Variants in FRY observed in about 807,000 individuals in gnomAD.
FRY encodes the protein protein furry homolog.
FRY carries 128 observed loss-of-function variants against 348.4 expected under a neutral mutation model. The ratio of observed to expected loss-of-function variants is 0.37; its 90% confidence interval spans 0.32 to 0.43. FRY has a LOEUF of 0.43. Ranked by LOEUF, FRY falls within the 20% of genes least tolerant of loss-of-function variation. FRY has a pLI of 1.00. For synonymous variants in FRY, 1,370 were observed against 1,374.7 expected (o/e 1.00, Z 0.08); for missense variants, 2,736 against 3,695.2 (o/e 0.74, Z 6.73).
At chr13:32,160,788 T>TAAATGCTGAATGAAATACATTTTG (rs1881397083) in intron 16 of FRY, among the ~76,000 whole-genome samples, 2 of 152,260 alleles carry the variant, frequency 1.3e-5, no homozygotes, top group African/African-American at 4.8e-5. Context: ...ACTCCATTTT[T>TAAATGCTGAATGAAATACATTTTG]AAATGCTGAA....
In FRY at chr13:32,263,696, A is replaced by G. The variant is rs150921281; in HGVS notation, c.7779+1221A>G. 4.5e-3 allele frequency among the ~76,000 whole-genome samples: 683 copies of G among 152,292 alleles called. 4 individuals carry two copies. Among genetic ancestry groups the G allele is most frequent in the African/African-American group, 0.016 (655 of 41,516 alleles). On this transcript the variant is annotated intron_variant, in intron 53 of 60. Transcript: ENST00000542859. ...TTTTTCTATTTTGAATGCTAAAAAC[A>G]TATAGATTTCTCATAGAAAGTGCTA...
In FRY at chr13:32,185,056, T is replaced by C; in HGVS notation, c.3227T>C (p.Leu1076Pro). 3 of 1,613,856 alleles carry C rather than the reference T, an allele frequency of 1.9e-6. No homozygotes were observed. The highest frequency in any genetic ancestry group is 2.5e-6 in the Non-Finnish European group (3 of 1,179,724). Residue 1076 changes from leucine (L) to proline (P), a missense_variant, in exon 26 of 61, where the codon CTA becomes CCA. Physicochemically the swap from Leu to Pro is moderately conservative, Grantham distance 98. Around this residue, in one of 9 missense-constraint regions of FRY, gnomAD observed 449 missense variants for 576.9 expected, o/e 0.78. Transcript: ENST00000542859. ...LEYVDLTRMLLEAENDKEVEI... is the reference protein window; with the variant it reads ...LEYVDLTRMLPEAENDKEVEI... ...TATGTGGACTTGACCCGCATGCTCC[T>C]AGAAGCTGAAAATGACAAAGAAGTT...
intron 23 of FRY, 25 bp downstream of exon 23, chr13:32,179,824 C>T: frequency 6.2e-7 from 1 of 1,606,268 alleles, no homozygotes. Context: ...ATGAGTTGTT[C>T]TAAATTCATA....
rs1220649428 is a variant in FRY, at chr13:32,296,140, T to C, written c.*680T>C. On this transcript the variant is annotated 3_prime_UTR_variant, in exon 61 of 61. Coordinates refer to ENST00000542859, the MANE Select transcript of FRY (RefSeq NM_023037.3). ...CTGTTTCTGAAAGCCCTGGATCTCTTTGCACCAAAAATGGTCCAGATAGAC... is the reference window on the plus strand; with the variant it reads ...CTGTTTCTGAAAGCCCTGGATCTCTCTGCACCAAAAATGGTCCAGATAGAC... 5.9e-5 allele frequency: 9 copies of C among 152,778 alleles called. 1 individual carries two copies. The highest frequency in any genetic ancestry group is 2.6e-4 in the Admixed American group (4 of 15,292). 9.5% of individuals were successfully genotyped at this position (152,778 alleles called of 1,614,324 possible).
intron 2 of FRY, among the ~76,000 whole-genome samples, chr13:32,084,966 T>C (rs1160768379): frequency 6.6e-6 from 1 of 152,182 alleles, no homozygotes; most frequent in Non-Finnish European, 1.5e-5. Flanking sequence ...GGACAGTACA[T>C]GCTTTTTGAA....
chr13:32,202,588 A>G, intron 31 of FRY, 61 bp downstream of exon 31: 1 of 1,280,270 alleles, frequency 7.8e-7, no homozygotes, highest in East Asian at 2.3e-5. Context: ...GTATGTGATC[A>G]TTTCTAATAA....
At chr13:32,080,871 G>A (rs2138538846) in intron 2 of FRY, among the ~76,000 whole-genome samples, 1 of 152,278 alleles carries the variant, frequency 6.6e-6, no homozygotes, top group East Asian at 1.9e-4. Flanking sequence ...GTATCCTAAT[G>A]CATTTTCCTG....
At chr13:32,172,149 G>C (rs1882125687) in intron 18 of FRY, among the ~76,000 whole-genome samples, 2 of 151,960 alleles carry the variant, frequency 1.3e-5, no homozygotes, top group African/African-American at 2.4e-5. Flanking sequence ...TATAGATGTG[G>C]ATGTGGATAT....
At chr13:32,042,194 G>A (rs1872777104) in intron 1 of FRY, among the ~76,000 whole-genome samples, 1 of 151,994 alleles carries the variant, frequency 6.6e-6, no homozygotes, top group Admixed American at 6.6e-5. Flanking sequence ...AGGAAGGGAG[G>A]GAAGGAGGGA....
At chr13:32,193,353 A>T (rs798962) in intron 28 of FRY, among the ~76,000 whole-genome samples, 17 of 151,376 alleles carry the variant, frequency 1.1e-4, no homozygotes, top group Non-Finnish European at 1.9e-4. Flanking sequence ...AGGAATAGAC[A>T]TTGATACACA....
chr13:32,181,755 T>C (rs1882727581), intron 23 of FRY, among the ~76,000 whole-genome samples: 1 of 152,072 alleles, frequency 6.6e-6, no homozygotes, highest in Non-Finnish European at 1.5e-5. Flanking sequence ...GAAAACTTAA[T>C]GTCTCTGGGC....
chr13:32,176,314 G>A (rs1882359762), intron 20 of FRY, among the ~76,000 whole-genome samples: 1 of 152,152 alleles, frequency 6.6e-6, no homozygotes, highest in Non-Finnish European at 1.5e-5. Context: ...GGATTAATTT[G>A]GGCTAAATAG....
At chr13:32,294,207 C>T (rs1376700324) in intron 59 of FRY, among the ~76,000 whole-genome samples, 161 bp from the exon 60 acceptor site, 2 of 152,206 alleles carry the variant, frequency 1.3e-5, no homozygotes, top group Admixed American at 6.5e-5. Flanking sequence ...CCACAATCCC[C>T]TACACATACC....
At chr13:32,153,161 T>C (rs1880906059) in intron 14 of FRY, among the ~76,000 whole-genome samples, 1 of 152,210 alleles carries the variant, frequency 6.6e-6, no homozygotes, top group Non-Finnish European at 1.5e-5. Flanking sequence ...AGATTAAACG[T>C]ATACTTAACC....
chr13:32,103,516 G>C (rs1055714823), intron 3 of FRY, among the ~76,000 whole-genome samples: 1 of 152,182 alleles, frequency 6.6e-6, no homozygotes, highest in African/African-American at 2.4e-5. Context: ...TCGGGTGGAG[G>C]GAAGCGGGAG....
chr13:32,288,093 A>T (rs1238935458), intron 58 of FRY, among the ~76,000 whole-genome samples: 1 of 152,198 alleles, frequency 6.6e-6, no homozygotes, highest in Non-Finnish European at 1.5e-5. Flanking sequence ...ATGAATTATC[A>T]TATTATCAGT....
chr13:32,237,942 C>T lies in FRY; in HGVS notation c.6374C>T (p.Thr2125Ile), dbSNP rs1441151367. 2.5e-6 allele frequency: 4 copies of T among 1,613,966 alleles called. No homozygotes were observed. The highest frequency in any genetic ancestry group is 1.3e-5 in the African/African-American group (1 of 74,914). ...DLTLQLFSLL[T>I]PVSKISMVDA... ...ACCCTGCAGCTCTTCAGTCTGCTGA[C>T]ACCAGTGTCCAAAATATCCATGGTG... The change falls in exon 44 of 61, where the codon ACA becomes ATA. Residue 2125 changes from threonine to isoleucine, a missense_variant. Thr to Ile is a moderately conservative substitution (Grantham distance 89). This residue lies in a region of FRY where 789 missense variants were observed against 996.2 expected (regional missense o/e 0.79). Coordinates refer to ENST00000542859, the MANE Select transcript of FRY (RefSeq NM_023037.3). This position sits in a 1 kb window ranked among gnomAD's most constrained non-coding sequence, Gnocchi z 6.3.
chr13:32,295,506 A>T lies in FRY; in HGVS notation c.*46A>T. ...TGGGTTCCAAACTGGCAGTGCTGCC[A>T]TGCTGGGGCAACGTCATTCAGTGTC... is the stretch of plus-strand genomic sequence containing the variant. On this transcript the variant is annotated 3_prime_UTR_variant, in exon 61 of 61. Transcript: ENST00000542859. 1 of 1,580,226 alleles carries T rather than the reference A, an allele frequency of 6.3e-7. No individual in the cohort carries two copies. Among genetic ancestry groups the T allele is most frequent in the South Asian group, 1.1e-5 (1 of 90,590 alleles).
At chr13:32,260,866 C>A (rs1157214077) in intron 51 of FRY, among the ~76,000 whole-genome samples, 1 of 152,154 alleles carries the variant, frequency 6.6e-6, no homozygotes. Context: ...TGTGGTGGCT[C>A]ACGCCTGTAA....
Sources: gnomAD v4.1 joint callset for allele counts (sites outside exome capture counted in the v4.1 genomes callset) on GRCh38, gnomAD v4.1.1 for gene constraint, gnomAD v4.1.1 regional missense constraint, Gnocchi (gnomAD v3.1) non-coding constraint, MANE v1.5 for transcripts, NCBI Gene and HGNC (gene_info 2026-07-23, HGNC 2026-07-21) for gene names.